Variants in PSME4 observed in about 807,000 individuals in gnomAD.
The protein encoded by PSME4 is proteasome activator subunit 4, also known as proteasome activator complex subunit 4.
PSME4 carries 89 observed loss-of-function variants against 253.9 expected under a neutral mutation model. The ratio of observed to expected loss-of-function variants is 0.35; its 90% CI spans 0.30 to 0.42. PSME4 has a LOEUF of 0.42. Among genes scored for constraint, PSME4 ranks in the 10% least tolerant of loss-of-function variants. The pLI is 1.00. For missense variants in PSME4, 2,014 were observed against 2,195.2 expected (o/e 0.92, Z 1.65); for synonymous variants, 851 against 759.2 (o/e 1.12, Z -1.99).
At chr2:53,931,700 T>C in intron 10 of PSME4, 135 bp downstream of exon 10, 1 of 930,416 alleles carries the variant, frequency 1.1e-6, no homozygotes, top group South Asian at 2.2e-5. Flanking sequence ...TACATTAAAA[T>C]GTCCTGCTTC....
chr2:53,937,355 T>C (rs1669172111), intron 5 of PSME4, 36 bp downstream of exon 5: 2 of 1,489,464 alleles, frequency 1.3e-6, no homozygotes, highest in African/African-American at 1.4e-5. Context: ...TTTCCTACCG[T>C]ATTTTTAGAA....
At chr2:53,967,755 C>T (rs1005198282) in intron 1 of PSME4, among the ~76,000 whole-genome samples, 2 of 151,026 alleles carry the variant, frequency 1.3e-5, no homozygotes, top group Non-Finnish European at 2.9e-5. Context: ...CCTCTGATGT[C>T]CAGATTACGG....
intron 42 of PSME4, among the ~76,000 whole-genome samples, chr2:53,874,913 C>T (rs750514603): frequency 1.3e-5 from 2 of 152,176 alleles, no homozygotes; most frequent in African/African-American, 2.4e-5. Context: ...CACTGCACTC[C>T]AGCCTGGGCA....
intron 29 of PSME4, among the ~76,000 whole-genome samples, chr2:53,898,636 C>T (rs199860297): frequency 0.22 from 27,183 of 121,618 alleles, 2,488 homozygotes; most frequent in East Asian, 0.35. Flanking sequence ...GGGAGTGGCA[C>T]ACACACACAC....
chr2:53,960,205 G>C (rs938363214), intron 1 of PSME4, among the ~76,000 whole-genome samples: 9 of 151,860 alleles, frequency 5.9e-5, no homozygotes, highest in Admixed American at 4.6e-4. Context: ...ATCCAGACCA[G>C]CCTGGCCAAC....
Position 53,916,008 on chromosome 2 carries a change from G to C in PSME4, c.2516+3143C>G, listed in dbSNP as rs181144565. Among the ~76,000 whole-genome samples, 826 of 152,266 alleles carry C rather than the reference G, an allele frequency of 5.4e-3. 6 individuals are homozygous for C. Among genetic ancestry groups the C allele is most frequent in the African/African-American group, 0.019 (808 of 41,554 alleles). On this transcript the variant is annotated intron_variant, in intron 20 of 46. Coordinates refer to ENST00000404125, the MANE Select transcript of PSME4 (RefSeq NM_014614.3). ...GATAATCGCTTGAACCCGGAAGGCA[G>C]AGGTTGCAGTGAGCCAAGATAGTGC... is the stretch of plus-strand genomic sequence containing the variant.
chr2:53,917,411 T>C (rs957178299), intron 20 of PSME4: 2 of 152,202 alleles, frequency 1.3e-5, no homozygotes, highest in African/African-American at 4.8e-5. Flanking sequence ...ATCAAATATA[T>C]GAAGCTTTTG....
At chr2:53,946,177 C>T (rs181987091) in intron 3 of PSME4, among the ~76,000 whole-genome samples, 1 of 152,332 alleles carries the variant, frequency 6.6e-6, no homozygotes, top group African/African-American at 2.4e-5. Context: ...ACTTTAAAAG[C>T]AGCATGTGCC....
intron 1 of PSME4, among the ~76,000 whole-genome samples, chr2:53,970,315 G>A (rs1359780536): frequency 6.6e-6 from 1 of 152,188 alleles, no homozygotes; most frequent in Admixed American, 6.5e-5. Flanking sequence ...AAGCAGATGC[G>A]GAGGACGTAG....
At chr2:53,918,092 C>T (rs576800421) in intron 20 of PSME4, among the ~76,000 whole-genome samples, 1 of 152,234 alleles carries the variant, frequency 6.6e-6, no homozygotes, top group East Asian at 1.9e-4. Context: ...ATGGGAAAGA[C>T]ATGTAGCCAC....
chr2:53,883,306 T>C (rs913726144), intron 41 of PSME4, among the ~76,000 whole-genome samples: 3 of 152,102 alleles, frequency 2.0e-5, no homozygotes, highest in Admixed American at 1.3e-4. Flanking sequence ...TGGAGACCAA[T>C]CTAGACAACA....
intron 1 of PSME4, among the ~76,000 whole-genome samples, chr2:53,950,245 G>GCT (rs1335324401): frequency 6.6e-6 from 1 of 151,238 alleles, no homozygotes; most frequent in Non-Finnish European, 1.5e-5. Context: ...GCGCCACTAT[G>GCT]CTCCATCTAG....
In PSME4 at chr2:53,890,093, G is replaced by A; in HGVS notation, c.4296+11C>T. The A allele has an allele frequency of 6.3e-7, 1 of 1,584,350 alleles. No individual in the cohort carries two copies. The highest frequency in any genetic ancestry group is 8.7e-7 in the Non-Finnish European group (1 of 1,153,274). On this transcript the variant is annotated intron_variant, in intron 37 of 46. Transcript: ENST00000404125. ...GATCAGTTAGACAAAGAAAGATGTAGGGTAACTTACACAGGATGTTGCTAT... is the reference window on the plus strand; with the variant it reads ...GATCAGTTAGACAAAGAAAGATGTAAGGTAACTTACACAGGATGTTGCTAT...
In PSME4 at chr2:53,894,944, G is replaced by A. The variant is rs1680075919; in HGVS notation, c.3912+63C>T. On this transcript the variant is annotated intron_variant, in intron 34 of 46. Transcript: ENST00000404125. ...AAAGAAGAAGAAGAACTGAAGTGAG[G>A]TTGAGATAAATCAGTGGCCCAAAAC... The A allele has an allele frequency of 5.7e-6, 8 of 1,393,076 alleles. No homozygotes were observed. The South Asian group carries it at 8.7e-5, about 15-fold the overall frequency. 86.3% of individuals were successfully genotyped at this position (1,393,076 alleles called of 1,614,324 possible). A position where few individuals can be genotyped will look rare whatever the true frequency, so the allele number is the denominator to read the frequency against.
rs146645447 is a variant in PSME4 at position 53,883,488 on chromosome 2, C to T, written c.4815+2202G>A. On this transcript the variant is annotated intron_variant, in intron 41 of 46. Transcript: ENST00000404125. Reference sequence around the variant, plus strand: ...GCAGTGAGACTGTCTCAGAAAAAAGCGGTGGGGGGGTGCGGGGTCCATGTG... The same window carrying T: ...GCAGTGAGACTGTCTCAGAAAAAAGTGGTGGGGGGGTGCGGGGTCCATGTG... Among the ~76,000 whole-genome samples the T allele has an allele frequency of 9.5e-4, 144 of 152,234 alleles. No homozygotes were observed. The Middle Eastern group carries it at 0.014, about 14-fold the overall frequency.
At chr2:53,878,233 T>G (rs1016794238) in intron 41 of PSME4, among the ~76,000 whole-genome samples, 3 of 152,224 alleles carry the variant, frequency 2.0e-5, no homozygotes, top group Non-Finnish European at 4.4e-5. Context: ...CTGCAATCTC[T>G]GAACATAAAT....
At chr2:53,942,778 A>G (rs1453857242) in intron 3 of PSME4, among the ~76,000 whole-genome samples, 1 of 152,138 alleles carries the variant, frequency 6.6e-6, no homozygotes, top group Non-Finnish European at 1.5e-5. Context: ...ACTGCCTCTG[A>G]GTAGCTACTA....
intron 1 of PSME4, among the ~76,000 whole-genome samples, chr2:53,969,637 C>T (rs1451296873): frequency 2.0e-5 from 3 of 151,546 alleles, no homozygotes; most frequent in Admixed American, 1.3e-4. Flanking sequence ...AGTAAAGATG[C>T]CCATCCAGCA....
intron 41 of PSME4, among the ~76,000 whole-genome samples, chr2:53,877,516 AATT>A (rs1679192909): frequency 6.6e-6 from 1 of 152,242 alleles, no homozygotes; most frequent in Non-Finnish European, 1.5e-5. Flanking sequence ...TGTTAAAAAA[AATT>A]ATTCTGACAT....
Sources: allele counts gnomAD v4.1 joint callset (sites outside exome capture counted in the v4.1 genomes callset), GRCh38; gene constraint gnomAD v4.1.1; transcripts MANE v1.5; gene names NCBI Gene and HGNC (gene_info 2026-07-23, HGNC 2026-07-21).